The following USP47 variants were observed in gnomAD, a reference collection of about 807,000 sequenced individuals.
USP47 encodes ubiquitin carboxyl-terminal hydrolase 47.
In USP47, 35 loss-of-function variants were observed where a neutral mutation model predicts 165.1. That is an observed-to-expected ratio of 0.21 (90% CI 0.16 to 0.28). The LOEUF is 0.28. USP47 is among the 10% of genes least tolerant of loss of function. The pLI is 1.00. For synonymous variants in USP47, 531 were observed against 544.5 expected, an observed-to-expected ratio of 0.98 and a Z score of 0.35; for missense variants, 1,277 against 1,607.4, an observed-to-expected ratio of 0.79 and a Z score of 3.52.
chr11:11,895,213 AT>A (rs1851774303), intron 4 of USP47, among the ~76,000 whole-genome samples: 1 of 152,194 alleles, frequency 6.6e-6, no homozygotes, highest in Non-Finnish European at 1.5e-5. Context: ...ACTTAAAAAA[AT>A]ATTTTTAGAA....
rs149773076 is a variant in USP47, at chr11:11,849,246, A to G, written c.39+7022A>G. Among the ~76,000 whole-genome samples, 899 of 152,272 alleles carry G rather than the reference A, an allele frequency of 5.9e-3. 10 individuals carry two copies. The highest frequency in any genetic ancestry group is 0.02 in the African/African-American group (847 of 41,560). On this transcript the variant is annotated intron_variant, in intron 1 of 27. Coordinates refer to ENST00000527733, the MANE Select transcript of USP47 (RefSeq NM_001282659.2). ...AGTTTATAATGACTCCATTTTCACC[A>G]TGTTAGCTAGGCCAGAGTTAGTAAT...
chr11:11,891,520 A>G (rs1382274349), intron 3 of USP47, among the ~76,000 whole-genome samples: 1 of 152,248 alleles, frequency 6.6e-6, no homozygotes, highest in Non-Finnish European at 1.5e-5. Context: ...TTCACAGTTC[A>G]GGGATTCATG....
Position 11,956,307 on chromosome 11 carries a change from A to G in USP47, c.*132A>G. ...ACACCAGCACTGATTGGACTGCCCT[A>G]CACCAATCAGAAGCTCAGTGCCCAA... On this transcript the variant is annotated 3_prime_UTR_variant, in exon 28 of 28. Coordinates refer to ENST00000527733, the MANE Select transcript of USP47 (RefSeq NM_001282659.2). 4 of 858,856 alleles carry G rather than the reference A, an allele frequency of 4.7e-6. No homozygotes were observed. Among genetic ancestry groups the G allele is most frequent in the Non-Finnish European group, 7.0e-6 (4 of 570,140 alleles). The allele number at this position is 858,856 out of a possible 1,614,324, so 53.2% of individuals were successfully genotyped here. A position where few individuals can be genotyped will look rare whatever the true frequency, so the allele number is the denominator to read the frequency against.
intron 1 of USP47, among the ~76,000 whole-genome samples, chr11:11,871,528 AAAAAAAAAAAG>A (rs1304581058): frequency 0.019 from 1,914 of 100,062 alleles, 94 homozygotes; most frequent in Middle Eastern, 0.071. Context: ...AAAAAAAAAA[AAAAAAAAAAAG>A]AATTCTGGTT....
intron 1 of USP47, among the ~76,000 whole-genome samples, chr11:11,875,035 G>GTA (rs540010384): frequency 0.21 from 10,847 of 50,704 alleles, 541 homozygotes; most frequent in East Asian, 0.3. Flanking sequence ...TTGACTTATT[G>GTA]TGTGTGTGTG....
Position 11,942,874 on chromosome 11 carries a change from G to T in USP47, c.2853G>T (p.Leu951Phe), listed in dbSNP as rs756920957. ...ILSSSHSSDTLCNADNAQIPL... is the reference protein window; with the variant it reads ...ILSSSHSSDTFCNADNAQIPL... Reference sequence around the variant, plus strand: ...GCTCCAGTCATAGCAGTGATACTTTGTGCAATGCAGACAATGCTCAGATCC... The same window carrying T: ...GCTCCAGTCATAGCAGTGATACTTTTTGCAATGCAGACAATGCTCAGATCC... The change falls in exon 20 of 28, where the codon TTG becomes TTT. Residue 951 changes from leucine to phenylalanine, a missense_variant. Physicochemically the swap from Leu to Phe is conservative, Grantham distance 22 (BLOSUM62 0). Around this residue, in one of 4 missense-constraint regions of USP47, gnomAD observed 909 missense variants for 1,068.1 expected, o/e 0.85. Coordinates refer to ENST00000527733, the MANE Select transcript of USP47 (RefSeq NM_001282659.2). The T allele has an allele frequency of 1.9e-6, 3 of 1,613,734 alleles. No homozygotes were observed. The highest frequency in any genetic ancestry group is 2.5e-6 in the Non-Finnish European group (3 of 1,179,758).
At chr11:11,953,874 G>A (rs182547848) in intron 25 of USP47, among the ~76,000 whole-genome samples, 63 of 152,292 alleles carry the variant, frequency 4.1e-4, no homozygotes, top group African/African-American at 1.4e-3. Flanking sequence ...TGTATAAATT[G>A]ATATGATTTT....
Position 11,920,336 on chromosome 11 carries a change from T to A in USP47, c.1066-6T>A. On this transcript the variant is annotated splice_polypyrimidine_tract_variant and splice_region_variant and intron_variant, in intron 9 of 27. Transcript: ENST00000527733. ...ACTCTCCCCCTTTTTGTTGTTTGTT[T>A]TTTAGGGCCTTCGGTTTTTGCATTT... 4 of 1,605,914 alleles carry A rather than the reference T, an allele frequency of 2.5e-6. No individual in the cohort carries two copies. In the South Asian group the frequency reaches 4.5e-5, roughly 18 times the overall value.
intron 8 of USP47, among the ~76,000 whole-genome samples, chr11:11,908,677 C>T (rs567667995): frequency 1.3e-4 from 19 of 150,746 alleles, no homozygotes; most frequent in Admixed American, 4.0e-4. Context: ...AATAAGCTCC[C>T]GTAAAGTAGG....
chr11:11,918,264 T>C (rs12225231), intron 8 of USP47, among the ~76,000 whole-genome samples: 34,470 of 151,984 alleles, frequency 0.23, 4,501 homozygotes, highest in Non-Finnish European at 0.3. Context: ...AAGTGGCCTC[T>C]GTTCTTCAAA....
intron 1 of USP47, among the ~76,000 whole-genome samples, chr11:11,860,020 C>G (rs181994176): frequency 6.6e-6 from 1 of 150,428 alleles, no homozygotes; most frequent in African/African-American, 2.4e-5. Context: ...AGAAGAATTG[C>G]GTGAACCCGG....
chr11:11,920,438 C>A lies in USP47; in HGVS notation c.1162C>A (p.Arg388=). 1.2e-6 allele frequency: 2 copies of A among 1,610,200 alleles called. No homozygotes were observed. Among genetic ancestry groups the A allele is most frequent in the South Asian group, 1.1e-5 (1 of 90,674 alleles). Residue 388 remains arginine (R), a synonymous_variant, in exon 10 of 28, where the codon CGA becomes AGA. Coordinates refer to ENST00000527733, the MANE Select transcript of USP47 (RefSeq NM_001282659.2). ...CATGCATAGGATTAAACTGAATGAT[C>A]GAATGACATTTCCCGAGGAACTAGA... ...TTMHRIKLND[R]MTFPEELDMS... is the part of the protein sequence containing the mutation.
In USP47 at chr11:11,842,144, A is replaced by C; in HGVS notation, c.-42A>C. 6.5e-7 allele frequency: 1 copy of C among 1,549,432 alleles called. No individual in the cohort carries two copies. The highest frequency in any genetic ancestry group is 8.7e-7 in the Non-Finnish European group (1 of 1,145,626). ...AGCTAGCGAGCCGCCGCCACCCTCCACCCTCCCCCGGCAGGGCGGAGAGGA... is the reference window on the plus strand; with the variant it reads ...AGCTAGCGAGCCGCCGCCACCCTCCCCCCTCCCCCGGCAGGGCGGAGAGGA... On this transcript the variant is annotated 5_prime_UTR_variant, in exon 1 of 28. Coordinates refer to ENST00000527733, the MANE Select transcript of USP47 (RefSeq NM_001282659.2).
At position 11,956,399 on chromosome 11, in the gene USP47, G is replaced by T. The variant is rs965376710; in HGVS notation, c.*224G>T. The stretch of plus-strand genomic sequence containing the variant: ...TCAAATGTACTGTAAAGTGAAAAGG[G>T]ATGTGCAAAAAAATAAAAAAAAACA... On this transcript the variant is annotated 3_prime_UTR_variant, in exon 28 of 28. Coordinates refer to ENST00000527733, the MANE Select transcript of USP47 (RefSeq NM_001282659.2). 1 of 372,634 alleles carries T rather than the reference G, an allele frequency of 2.7e-6. No homozygotes were observed. Among genetic ancestry groups the T allele is most frequent in the Non-Finnish European group, 4.8e-6 (1 of 208,462 alleles). 23.1% of individuals were successfully genotyped at this position (372,634 alleles called of 1,614,324 possible). A position where few individuals can be genotyped will look rare whatever the true frequency, so the allele number is the denominator to read the frequency against.
intron 1 of USP47, among the ~76,000 whole-genome samples, chr11:11,862,595 A>C (rs1052070377): frequency 2.0e-5 from 3 of 152,238 alleles, no homozygotes; most frequent in Admixed American, 2.0e-4. Flanking sequence ...AAGGAAAATA[A>C]AATTTTTTGA....
chr11:11,891,914 G>C (rs1851540127), intron 3 of USP47, 54 bp from the exon 4 acceptor site: 1 of 1,573,644 alleles, frequency 6.4e-7, no homozygotes, highest in African/African-American at 1.4e-5. Flanking sequence ...GGTGAATGCT[G>C]TTGTTTCAGC....
chr11:11,911,645 T>TTGCC (rs1388375677), intron 8 of USP47, among the ~76,000 whole-genome samples: 1 of 151,882 alleles, frequency 6.6e-6, no homozygotes, highest in Non-Finnish European at 1.5e-5. Context: ...AAAAGACAAA[T>TTGCC]CTACAATTAC....
At chr11:11,851,699 A>G (rs1179692774) in intron 1 of USP47, among the ~76,000 whole-genome samples, 1 of 152,218 alleles carries the variant, frequency 6.6e-6, no homozygotes, top group African/African-American at 2.4e-5. Flanking sequence ...TTAGGATACC[A>G]CATTGCATTT....
At chr11:11,859,464 T>G (rs1049773992) in intron 1 of USP47, among the ~76,000 whole-genome samples, 16 of 152,078 alleles carry the variant, frequency 1.1e-4, no homozygotes, top group Non-Finnish European at 2.2e-4. Flanking sequence ...AATGAAGGAG[T>G]AAGGCCGCAT....
Sources: allele counts gnomAD v4.1 joint callset (sites outside exome capture counted in the v4.1 genomes callset), GRCh38; gene constraint gnomAD v4.1.1; regional missense constraint gnomAD v4.1.1; transcripts MANE v1.5; gene names NCBI Gene and HGNC (gene_info 2026-07-23, HGNC 2026-07-21).